The following SLC44A1 variants were observed in gnomAD, a reference collection of about 807,000 sequenced individuals.
SLC44A1 encodes choline transporter-like protein 1.
SLC44A1 carries 26 observed loss-of-function variants against 79.3 expected under a neutral mutation model. That is an observed-to-expected ratio of 0.33 (90% confidence interval 0.24 to 0.46). The LOEUF (loss-of-function observed/expected upper bound fraction) is 0.46. Ranked by LOEUF, SLC44A1 falls within the 20% of genes least tolerant of loss-of-function variation. The pLI, the probability that SLC44A1 is intolerant of heterozygous loss-of-function variation, is 1.00. For missense variants in SLC44A1, 688 were observed against 798.1 expected (o/e 0.86, Z 1.66); for synonymous variants, 263 against 286.2 (o/e 0.92, Z 0.82).
At chr9:105,403,748 T>C (rs1163139972) in intron 15 of SLC44A1, among the ~76,000 whole-genome samples, 1 of 149,776 alleles carries the variant, frequency 6.7e-6, no homozygotes, top group Admixed American at 6.7e-5. Context: ...AATAAGCCTT[T>C]GGGGAAAGGG....
intron 2 of SLC44A1, chr9:105,299,727 C>T (rs1830825878): frequency 1.0e-6 from 1 of 961,162 alleles, no homozygotes; most frequent in South Asian, 4.8e-5. Flanking sequence ...CTCCTTCCTC[C>T]TTCTGCCTGT....
Position 105,392,535 on chromosome 9 carries a change from C to T in SLC44A1, c.*3479C>T, listed in dbSNP as rs1828789429. The T allele has an allele frequency of 1.0e-6, 1 of 984,370 alleles. No homozygotes were observed. The allele number at this position is 984,370 out of a possible 1,614,324, so 61.0% of individuals were successfully genotyped here. ...TCCCTGGGCAGTTTTAGGATTTCAC[C>T]CTAGTAGGGGGTATGAGGCACTGAC... On this transcript the variant is annotated 3_prime_UTR_variant, in exon 16 of 16. Coordinates refer to ENST00000374720, the MANE Select transcript of SLC44A1 (RefSeq NM_080546.5).
rs1031572496 is a variant in SLC44A1 at position 105,362,767 on chromosome 9, C to T, written c.901-54C>T. Reference sequence around the variant, plus strand: ...TTATGTTAAAAATTTCTACTATTTTCGGTTTCTGTTTTCACTACTTATAAT... The same window carrying T: ...TTATGTTAAAAATTTCTACTATTTTTGGTTTCTGTTTTCACTACTTATAAT... On this transcript the variant is annotated intron_variant, in intron 8 of 15. Coordinates refer to ENST00000374720, the MANE Select transcript of SLC44A1 (RefSeq NM_080546.5). 27 of 1,353,020 alleles carry T rather than the reference C, an allele frequency of 2.0e-5. No individual in the cohort carries two copies. The South Asian group carries it at 3.5e-4, about 17-fold the overall frequency. The allele number at this position is 1,353,020 out of a possible 1,614,324, so 83.8% of individuals were successfully genotyped here. A position where few individuals can be genotyped will look rare whatever the true frequency, so the allele number is the denominator to read the frequency against.
chr9:105,367,845 C>G (rs991227989), intron 12 of SLC44A1, among the ~76,000 whole-genome samples: 1 of 152,162 alleles, frequency 6.6e-6, no homozygotes, highest in Non-Finnish European at 1.5e-5. Context: ...ACTAACAACA[C>G]TATATCGAAG....
rs571401186 is a variant in SLC44A1 at position 105,391,722 on chromosome 9, C to T, written c.*2666C>T. The T allele has an allele frequency of 5.1e-5, 50 of 985,212 alleles. No individual in the cohort carries two copies. In the African/African-American group the frequency reaches 6.1e-4, roughly 12 times the overall value. 61.0% of individuals were successfully genotyped at this position (985,212 alleles called of 1,614,324 possible). On this transcript the variant is annotated 3_prime_UTR_variant, in exon 16 of 16. Coordinates refer to ENST00000374720, the MANE Select transcript of SLC44A1 (RefSeq NM_080546.5). ...AGCTATGGGCTGCCTTATTGCTATT[C>T]GCTCACTGCTTCCATCTTCTGCCCA...
chr9:105,249,609 C>G (rs1176971090), intron 1 of SLC44A1, among the ~76,000 whole-genome samples: 1 of 151,214 alleles, frequency 6.6e-6, no homozygotes, highest in Non-Finnish European at 1.5e-5. Context: ...ACTGCAACCT[C>G]TGCCTCCCGG....
intron 5 of SLC44A1, among the ~76,000 whole-genome samples, chr9:105,355,536 T>C (rs1827595766): frequency 6.6e-6 from 1 of 152,232 alleles, no homozygotes; most frequent in Non-Finnish European, 1.5e-5. Flanking sequence ...TGCAGAGATA[T>C]CACATTAGAT....
chr9:105,376,340 C>T (rs1480392637), intron 13 of SLC44A1, among the ~76,000 whole-genome samples: 1 of 132,064 alleles, frequency 7.6e-6, no homozygotes, highest in Non-Finnish European at 1.6e-5. Context: ...CACACACACA[C>T]ACACACACAC....
intron 15 of SLC44A1, among the ~76,000 whole-genome samples, chr9:105,411,624 T>C (rs1355736219): frequency 6.6e-6 from 1 of 152,188 alleles, no homozygotes; most frequent in Non-Finnish European, 1.5e-5. Context: ...CTTTAATCTC[T>C]TTTAACTTGG....
intron 4 of SLC44A1, among the ~76,000 whole-genome samples, chr9:105,341,373 A>G (rs1827085168): frequency 6.6e-6 from 1 of 151,566 alleles, no homozygotes; most frequent in Non-Finnish European, 1.5e-5. Flanking sequence ...TAATAATAAT[A>G]ATAAAAGAAC....
chr9:105,252,490 G>A (rs1232663446), intron 1 of SLC44A1, among the ~76,000 whole-genome samples: 1 of 152,154 alleles, frequency 6.6e-6, no homozygotes, highest in Non-Finnish European at 1.5e-5. Flanking sequence ...TTAACAGCAT[G>A]TTCAGGGCTC....
intron 1 of SLC44A1, among the ~76,000 whole-genome samples, chr9:105,292,242 G>C (rs1830618357): frequency 6.6e-6 from 1 of 152,200 alleles, no homozygotes; most frequent in African/African-American, 2.4e-5. Context: ...TATGTGACCA[G>C]ATAGTACTTA....
chr9:105,388,564 G>C (rs1588860533), intron 15 of SLC44A1, among the ~76,000 whole-genome samples: 1 of 152,296 alleles, frequency 6.6e-6, no homozygotes, highest in Non-Finnish European at 1.5e-5. Context: ...TTTGACAGCA[G>C]ATCATTGAAC....
In SLC44A1 at chr9:105,393,712, T is replaced by C. The variant is rs558988270; in HGVS notation, c.*4656T>C. Reference sequence around the variant, plus strand: ...AATATTGCATGAACAATTGCCACTTTGTAAATTATATGGACAGAATGTGTT... The same window carrying C: ...AATATTGCATGAACAATTGCCACTTCGTAAATTATATGGACAGAATGTGTT... On this transcript the variant is annotated 3_prime_UTR_variant, in exon 16 of 16. Coordinates refer to ENST00000374720, the MANE Select transcript of SLC44A1 (RefSeq NM_080546.5). 23 of 984,948 alleles carry C rather than the reference T, an allele frequency of 2.3e-5. No homozygotes were observed. The highest frequency in any genetic ancestry group is 5.2e-4 in the Middle Eastern group (1 of 1,912). 61.0% of individuals were successfully genotyped at this position (984,948 alleles called of 1,614,324 possible).
chr9:105,290,882 G>T (rs543156687), intron 1 of SLC44A1, among the ~76,000 whole-genome samples: 1 of 152,310 alleles, frequency 6.6e-6, no homozygotes, highest in East Asian at 1.9e-4. Flanking sequence ...TCCACGCAGT[G>T]TATCTTAATA....
chr9:105,314,173 G>GA (rs1491134726), intron 3 of SLC44A1, among the ~76,000 whole-genome samples: 3 of 152,186 alleles, frequency 2.0e-5, no homozygotes, highest in African/African-American at 7.2e-5. Context: ...GAATTAGTGA[G>GA]TGTGTGGACT....
chr9:105,418,717 C>A (rs1394188691), intron 15 of SLC44A1, among the ~76,000 whole-genome samples: 1 of 152,212 alleles, frequency 6.6e-6, no homozygotes, highest in African/African-American at 2.4e-5. Flanking sequence ...GGTTAAGCTG[C>A]CCCAGTTGCA....
intron 1 of SLC44A1, among the ~76,000 whole-genome samples, chr9:105,263,537 A>G (rs1005049602): frequency 2.9e-5 from 4 of 135,970 alleles, no homozygotes; most frequent in African/African-American, 1.1e-4. Context: ...ACATGTGTGT[A>G]TTTTTTTTTT....
In SLC44A1 at chr9:105,361,372, G is replaced by C. The variant is rs370424360; in HGVS notation, c.900+42G>C. The stretch of plus-strand genomic sequence containing the variant: ...GCGTGTCTTTCGGTTTTGTGTTTTT[G>C]TTTGCAGGAGATCATTAATGGAGCA... On this transcript the variant is annotated intron_variant, in intron 8 of 15. Transcript: ENST00000374720. 38 of 1,535,964 alleles carry C rather than the reference G, an allele frequency of 2.5e-5. No homozygotes were observed. In the African/African-American group the frequency reaches 5.1e-4, roughly 21 times the overall value.
Sources: allele counts gnomAD v4.1 joint callset (sites outside exome capture counted in the v4.1 genomes callset), GRCh38; gene constraint gnomAD v4.1.1; transcripts MANE v1.5; gene names NCBI Gene and HGNC (gene_info 2026-07-23, HGNC 2026-07-21).